Variants in MROH7 observed in about 807,000 individuals in gnomAD.
The protein encoded by MROH7 is maestro heat like repeat family member 7.
Under a neutral mutation model 129.2 loss-of-function variants are expected in MROH7, and 113 were observed. The ratio of observed to expected loss-of-function variants is 0.87; its 90% CI spans 0.75 to 1.02. The LOEUF (loss-of-function observed/expected upper bound fraction) is 1.02. Among genes scored for constraint, MROH7 ranks in the 50% least tolerant of loss-of-function variants. The pLI is 0.00. For synonymous variants in MROH7, 655 were observed against 667.9 expected (o/e 0.98, Z 0.30); for missense variants, 1,601 against 1,671.3 (o/e 0.96, Z 0.73).
chr1:54,673,379 C>T (rs1481164476), intron 8 of MROH7, among the ~76,000 whole-genome samples, 193 bp downstream of exon 8: 1 of 151,850 alleles, frequency 6.6e-6, no homozygotes. Context: ...CTCTCCCCAT[C>T]CCCCCACTCT....
chr1:54,703,883 C>A lies in MROH7; in HGVS notation c.3564+1138C>A, dbSNP rs78770994. The stretch of plus-strand genomic sequence containing the variant: ...GCACAGGCCTCAGCCAACACTGCCA[C>A]GAGATTCCCAAATTTGGCCTGGGGG... On this transcript the variant is annotated intron_variant, in intron 21 of 23. Coordinates refer to ENST00000421030, the MANE Select transcript of MROH7 (RefSeq NM_001039464.4). The surrounding 1 kb of genome is among the most constrained non-coding windows in gnomAD (Gnocchi z 4.4). Among the ~76,000 whole-genome samples, 1,494 of 152,236 alleles carry A rather than the reference C, an allele frequency of 9.8e-3. 20 individuals carry two copies. The highest frequency in any genetic ancestry group is 0.034 in the African/African-American group (1,408 of 41,534).
At chr1:54,665,144 C>T (rs1332304050) in intron 3 of MROH7, 23 bp from the exon 4 acceptor site, 1 of 1,601,042 alleles carries the variant, frequency 6.2e-7, no homozygotes, top group Admixed American at 1.7e-5. Flanking sequence ...TATCCACCTT[C>T]TCATTGAAAT....
intron 12 of MROH7, 78 bp downstream of exon 12, chr1:54,679,517 G>T: frequency 1.4e-6 from 2 of 1,479,810 alleles, no homozygotes; most frequent in African/African-American, 1.4e-5. Context: ...ATCACTGGCC[G>T]GCCAGACAGT....
chr1:54,700,543 A>C, intron 18 of MROH7, 82 bp downstream of exon 18: 36 of 1,356,966 alleles, frequency 2.7e-5, no homozygotes, highest in Middle Eastern at 2.6e-4. Flanking sequence ...ATAGTACCTC[A>C]GAAGCCCACA....
chr1:54,659,093 TGTTTG>T (rs1644691568), intron 3 of MROH7: 1 of 441,684 alleles, frequency 2.3e-6, no homozygotes, highest in Non-Finnish European at 4.5e-6. Flanking sequence ...TTTGTTTGTT[TGTTTG>T]TTTTGTTTTT....
Position 54,647,713 on chromosome 1 carries a change from C to A in MROH7, c.-109-4236C>A, listed in dbSNP as rs145631402. On this transcript the variant is annotated intron_variant, in intron 1 of 23. Transcript: ENST00000421030. The stretch of plus-strand genomic sequence containing the variant: ...TGAGGTCGTGCCATTGCACTCCAGC[C>A]TGGGCAACAAGGGTGAAACTCTGTA... Among the ~76,000 whole-genome samples, 5 of 148,872 alleles carry A rather than the reference C, an allele frequency of 3.4e-5. No homozygotes were observed. In the South Asian group the frequency reaches 1.1e-3, roughly 32 times the overall value.
intron 3 of MROH7, among the ~76,000 whole-genome samples, chr1:54,657,048 C>CTTTTT (rs35098878): frequency 1.5e-5 from 2 of 132,438 alleles, no homozygotes; most frequent in African/African-American, 5.5e-5. Flanking sequence ...TTCTCACCAT[C>CTTTTT]TTTTTTTTTT....
In MROH7 at chr1:54,670,881, C is replaced by A. The variant is rs565211100; in HGVS notation, c.1551C>A (p.Ser517=). 4 of 1,612,616 alleles carry A rather than the reference C, an allele frequency of 2.5e-6. No homozygotes were observed. The highest frequency in any genetic ancestry group is 2.2e-5 in the East Asian group (1 of 44,830). Residue 517 remains serine (S), a synonymous_variant, in exon 7 of 24, where the codon TCC becomes TCA. Coordinates refer to ENST00000421030, the MANE Select transcript of MROH7 (RefSeq NM_001039464.4). ...VCVHSVFSLP[S]VQAMQEKDEA... is the part of the protein sequence containing the mutation. ...TGCACAGCGTGTTCTCCCTGCCCTCCGTGCAGGCGATGCAGGAGAAGGACG... is the reference window on the plus strand; with the variant it reads ...TGCACAGCGTGTTCTCCCTGCCCTCAGTGCAGGCGATGCAGGAGAAGGACG...
At chr1:54,658,002 A>G (rs1644674973) in intron 3 of MROH7, among the ~76,000 whole-genome samples, 1 of 152,112 alleles carries the variant, frequency 6.6e-6, no homozygotes, top group Non-Finnish European at 1.5e-5. Context: ...GGTATTAAAT[A>G]TATTCATAAT....
intron 1 of MROH7, among the ~76,000 whole-genome samples, chr1:54,645,628 T>C (rs971767559): frequency 6.7e-6 from 1 of 150,130 alleles, no homozygotes; most frequent in Admixed American, 6.8e-5. Flanking sequence ...GCTCCAATGA[T>C]ATTTCTTTTC....
At chr1:54,643,011 C>T (rs1404824449) in intron 1 of MROH7, among the ~76,000 whole-genome samples, 1 of 152,218 alleles carries the variant, frequency 6.6e-6, no homozygotes, top group Admixed American at 6.5e-5. Context: ...ATTCATTCAT[C>T]CTTCCCTCAC....
chr1:54,702,637 C>T lies in MROH7; in HGVS notation c.3456C>T (p.Thr1152=). The part of the protein sequence containing the change: ...NSKVSQKCVK[T]LLRCSYFMAW... ...TTGGTTCCCAGAAGTGTGTGAAGAC[C>T]CTGTTACGCTGTTCTTACTTCATGG... is the stretch of plus-strand genomic sequence containing the variant. The change falls in exon 21 of 24, where the codon ACC becomes ACT. Residue 1152 remains threonine (T), a synonymous_variant. Transcript: ENST00000421030. 1 of 1,610,592 alleles carries T rather than the reference C, an allele frequency of 6.2e-7. No homozygotes were observed. The highest frequency in any genetic ancestry group is 8.5e-7 in the Non-Finnish European group (1 of 1,178,186).
intron 22 of MROH7, among the ~76,000 whole-genome samples, chr1:54,707,249 T>C (rs1645548780): frequency 6.6e-6 from 1 of 152,088 alleles, no homozygotes; most frequent in Admixed American, 6.5e-5. Flanking sequence ...CACCCCTCCC[T>C]CCAAATAACC....
chr1:54,707,585 G>A (rs1645555862), intron 22 of MROH7, among the ~76,000 whole-genome samples: 1 of 152,124 alleles, frequency 6.6e-6, no homozygotes, highest in Non-Finnish European at 1.5e-5. Flanking sequence ...GAATGTGGGG[G>A]CTGCTCAGAG....
At chr1:54,707,598 A>G (rs1456972259) in intron 22 of MROH7, among the ~76,000 whole-genome samples, 1 of 152,188 alleles carries the variant, frequency 6.6e-6, no homozygotes, top group South Asian at 2.1e-4. Context: ...GCTCAGAGAC[A>G]TCTACTTCCT....
chr1:54,662,529 T>C (rs2101087517), intron 3 of MROH7, among the ~76,000 whole-genome samples: 1 of 150,214 alleles, frequency 6.7e-6, no homozygotes, highest in East Asian at 2.0e-4. Flanking sequence ...AGAGTGAGAC[T>C]CCATTTCAAA....
intron 13 of MROH7, 111 bp from the exon 14 acceptor site, chr1:54,682,545 A>G: frequency 9.6e-7 from 1 of 1,040,028 alleles, no homozygotes; most frequent in Non-Finnish European, 1.4e-6. Flanking sequence ...AGGTGTGCCC[A>G]TGGATGCCAT....
intron 22 of MROH7, 47 bp from the exon 23 acceptor site, chr1:54,708,967 G>GC (rs1645579368): frequency 4.5e-6 from 6 of 1,329,368 alleles, no homozygotes; most frequent in East Asian, 4.5e-5. Flanking sequence ...TTGGGGTGGG[G>GC]TCGACGTCGG....
chr1:54,700,537 T>C lies in MROH7; in HGVS notation c.3105+76T>C, dbSNP rs546072884. 165 of 1,425,974 alleles carry C rather than the reference T, an allele frequency of 1.2e-4. No homozygotes were observed. The African/African-American group carries it at 2.2e-3, about 19-fold the overall frequency. 88.3% of individuals were successfully genotyped at this position (1,425,974 alleles called of 1,614,324 possible). On this transcript the variant is annotated intron_variant, in intron 18 of 23. Transcript: ENST00000421030. The stretch of plus-strand genomic sequence containing the variant: ...GAAGGACAGAGCTTCACCATTATAG[T>C]ACCTCAGAAGCCCACAGCTGGAATG...
Sources: gnomAD v4.1 joint callset for allele counts (sites outside exome capture counted in the v4.1 genomes callset) on GRCh38, gnomAD v4.1.1 for gene constraint, Gnocchi (gnomAD v3.1) non-coding constraint, MANE v1.5 for transcripts, NCBI Gene and HGNC (gene_info 2026-07-23, HGNC 2026-07-21) for gene names.